CDK17: variants seen among roughly 807,000 people sequenced by gnomAD.
CDK17 encodes cyclin-dependent kinase 17.
A neutral mutation model predicts 77.6 loss-of-function variants in CDK17; 24 were observed. The ratio of observed to expected loss-of-function variants is 0.31; its 90% confidence interval spans 0.22 to 0.44. The LOEUF (loss-of-function observed/expected upper bound fraction) is 0.44, where lower values mean the gene tolerates loss of function less well. CDK17 is among the 20% of genes least tolerant of loss of function. CDK17 has a pLI of 1.00. For synonymous variants in CDK17, 203 were observed against 210.4 expected (o/e 0.96, Z 0.30); for missense variants, 429 against 622.5 (o/e 0.69, Z 3.31).
intron 1 of CDK17, among the ~76,000 whole-genome samples, chr12:96,362,310 C>G (rs1307298972): frequency 6.6e-6 from 1 of 152,068 alleles, no homozygotes; most frequent in African/African-American, 2.4e-5. Flanking sequence ...CCTCTGCCTC[C>G]TGGGTTCAAG....
Position 96,280,880 on chromosome 12 carries a change from A to G in CDK17, c.1462T>C (p.Ser488Pro). ...TGAATCTCTTTCAAACTGAATATTGATACACCTAAAATGCATAGACAAAAA... is the reference window on the plus strand; with the variant it reads ...TGAATCTCTTTCAAACTGAATATTGGTACACCTAAAATGCATAGACAAAAA... ...PRIHALPESVSIFSLKEIQLQ... is the reference protein window; with the variant it reads ...PRIHALPESVPIFSLKEIQLQ... Residue 488 changes from serine to proline, a missense_variant, in exon 16 of 17, where the codon TCA (serine) becomes CCA (proline). Ser to Pro is a moderately conservative substitution (Grantham distance 74). Around this residue, in one of 4 missense-constraint regions of CDK17, gnomAD observed 115 missense variants for 124.2 expected, o/e 0.93. Transcript: ENST00000261211. 10 of 1,612,816 alleles carry G rather than the reference A, an allele frequency of 6.2e-6. No individual in the cohort carries two copies. Among genetic ancestry groups the G allele is most frequent in the Non-Finnish European group, 8.5e-6 (10 of 1,179,468 alleles).
At chr12:96,286,835 G>T (rs1477672909) in intron 11 of CDK17, 74 bp from the exon 12 acceptor site, 5 of 1,284,924 alleles carry the variant, frequency 3.9e-6, no homozygotes, top group Non-Finnish European at 5.5e-6. Context: ...TTTCCTTAAG[G>T]TTGCCTCTCT....
chr12:96,286,896 A>C, intron 11 of CDK17, 135 bp from the exon 12 acceptor site: 1 of 614,520 alleles, frequency 1.6e-6, no homozygotes, highest in Non-Finnish European at 2.9e-6. Flanking sequence ...GATATTTTAG[A>C]TCTAACTAAT....
At chr12:96,316,506 CACAG>C (rs969917709) in intron 3 of CDK17, among the ~76,000 whole-genome samples, 6 of 149,044 alleles carry the variant, frequency 4.0e-5, no homozygotes, top group African/African-American at 1.5e-4. Context: ...GGGGGCAGGG[CACAG>C]ACAAACAAAA....
At chr12:96,316,245 G>C (rs1326674139) in intron 3 of CDK17, among the ~76,000 whole-genome samples, 1 of 152,164 alleles carries the variant, frequency 6.6e-6, no homozygotes, top group East Asian at 1.9e-4. Context: ...GCGCTTGTCA[G>C]ACCGGCTTAA....
chr12:96,297,864 G>A (rs1373666130), intron 7 of CDK17, 143 bp from the exon 8 acceptor site: 1 of 473,958 alleles, frequency 2.1e-6, no homozygotes, highest in African/African-American at 2.0e-5. Flanking sequence ...CAGCACTTTT[G>A]AGAGACCGAG....
intron 5 of CDK17, among the ~76,000 whole-genome samples, chr12:96,307,842 C>T (rs1205582918): frequency 6.6e-6 from 1 of 152,084 alleles, no homozygotes; most frequent in Non-Finnish European, 1.5e-5. Flanking sequence ...GTACTCCTGC[C>T]TGGACGACAA....
At chr12:96,309,079 A>C (rs1952614417) in intron 5 of CDK17, among the ~76,000 whole-genome samples, 2 of 152,178 alleles carry the variant, frequency 1.3e-5, no homozygotes, top group Admixed American at 6.5e-5. Context: ...TTCTCATTAC[A>C]TGGGAAGAAG....
intron 1 of CDK17, among the ~76,000 whole-genome samples, chr12:96,370,554 G>A (rs1471101687): frequency 6.6e-6 from 1 of 152,202 alleles, no homozygotes. Flanking sequence ...CTCCAAGTAT[G>A]TGTGGTCTGG....
chr12:96,373,018 T>C (rs988084266), intron 1 of CDK17, among the ~76,000 whole-genome samples: 34 of 152,224 alleles, frequency 2.2e-4, no homozygotes, highest in African/African-American at 8.0e-4. Flanking sequence ...CATTATTGCT[T>C]ACTACCTATT....
chr12:96,352,039 G>A (rs748513952), intron 1 of CDK17, among the ~76,000 whole-genome samples: 1 of 152,136 alleles, frequency 6.6e-6, no homozygotes, highest in African/African-American at 2.4e-5. Context: ...AGAAAACAGG[G>A]CTGGGATCAT....
At chr12:96,317,048 G>A (rs1161626946) in intron 3 of CDK17, among the ~76,000 whole-genome samples, 1 of 126,326 alleles carries the variant, frequency 7.9e-6, no homozygotes, top group Non-Finnish European at 1.7e-5. Context: ...CAAAGAAGTT[G>A]AAAACTTTGA....
intron 1 of CDK17, among the ~76,000 whole-genome samples, chr12:96,351,156 T>C (rs1953305619): frequency 6.6e-6 from 1 of 152,174 alleles, no homozygotes; most frequent in African/African-American, 2.4e-5. Flanking sequence ...CCCACTAGGA[T>C]GGCTACTATC....
chr12:96,335,947 G>T (rs1359578032), intron 1 of CDK17, among the ~76,000 whole-genome samples: 3 of 152,112 alleles, frequency 2.0e-5, no homozygotes, highest in African/African-American at 7.2e-5. Context: ...TTAAAGTACA[G>T]GGGTTTTACC....
chr12:96,322,970 T>C (rs1952842075), intron 3 of CDK17, among the ~76,000 whole-genome samples: 1 of 152,124 alleles, frequency 6.6e-6, no homozygotes, highest in Non-Finnish European at 1.5e-5. Context: ...AAAATCTCAC[T>C]GTAGATAAGC....
At chr12:96,345,871 T>G (rs767999291) in intron 1 of CDK17, among the ~76,000 whole-genome samples, 1 of 152,082 alleles carries the variant, frequency 6.6e-6, no homozygotes, top group Admixed American at 6.5e-5. Flanking sequence ...AATAAAAAAA[T>G]TAAGGAGTTA....
At chr12:96,341,745 T>C (rs948905367) in intron 1 of CDK17, among the ~76,000 whole-genome samples, 4 of 152,148 alleles carry the variant, frequency 2.6e-5, no homozygotes, top group Admixed American at 1.3e-4. Context: ...AGATAACAGC[T>C]AAAAATACTC....
chr12:96,333,596 C>T (rs1002364606), intron 2 of CDK17, among the ~76,000 whole-genome samples: 2 of 151,814 alleles, frequency 1.3e-5, no homozygotes, highest in Admixed American at 6.6e-5. Context: ...ATCACTTGAA[C>T]CCAGGAGGTG....
At chr12:96,318,681 A>G (rs2137117723) in intron 3 of CDK17, among the ~76,000 whole-genome samples, 1 of 145,960 alleles carries the variant, frequency 6.9e-6, no homozygotes, top group East Asian at 2.0e-4. Context: ...AAACTGAACA[A>G]CCTGCTCCTG....
Sources: allele counts gnomAD v4.1 joint callset (sites outside exome capture counted in the v4.1 genomes callset), GRCh38; gene constraint gnomAD v4.1.1; regional missense constraint gnomAD v4.1.1; transcripts MANE v1.5; gene names NCBI Gene and HGNC (gene_info 2026-07-23, HGNC 2026-07-21).